Variants in SKAP2 observed in about 807,000 individuals in gnomAD.
The protein encoded by SKAP2 is src kinase associated phosphoprotein 2.
Under a neutral mutation model 54.9 loss-of-function variants are expected in SKAP2, and 28 were observed. The ratio of observed to expected loss-of-function variants is 0.51; its 90% CI spans 0.38 to 0.70. The LOEUF is 0.70. Ranked by LOEUF, SKAP2 falls within the 30% of genes least tolerant of loss-of-function variation. The pLI, the probability that SKAP2 is intolerant of heterozygous loss-of-function variation, is 0.00. For missense variants in SKAP2, 356 were observed against 424.1 expected (o/e 0.84, Z 1.41); for synonymous variants, 137 against 134.3 (o/e 1.02, Z -0.14).
chr7:26,757,489 G>C lies in SKAP2; in HGVS notation c.308-17525C>G, dbSNP rs1302747676. ...TCAAAGATCAGACGGTTGCAGATGT[G>C]TGGTATTATTTCTGAGCGCTCTGTT... is the stretch of plus-strand genomic sequence containing the variant. On this transcript the variant is annotated intron_variant, in intron 4 of 12. Transcript: ENST00000345317. 2.0e-5 allele frequency among the ~76,000 whole-genome samples: 3 copies of C among 152,146 alleles called. No individual in the cohort carries two copies. In the East Asian group the frequency reaches 5.8e-4, roughly 29 times the overall value.
In SKAP2 at chr7:26,846,762, C is replaced by T. The variant is rs541793010; in HGVS notation, c.200-2625G>A. Among the ~76,000 whole-genome samples the T allele has an allele frequency of 2.4e-4, 37 of 152,296 alleles. No individual in the cohort carries two copies. In the South Asian group the frequency reaches 7.5e-3, roughly 31 times the overall value. ...GTGGGAGGCCAAGGCAGGTGGATCA[C>T]CTGAGCTCAGGAGTTTGAGACCAGC... is the stretch of plus-strand genomic sequence containing the variant. On this transcript the variant is annotated intron_variant, in intron 3 of 12. Coordinates refer to ENST00000345317, the MANE Select transcript of SKAP2 (RefSeq NM_003930.5).
intron 4 of SKAP2, among the ~76,000 whole-genome samples, chr7:26,750,880 T>C (rs369043051): frequency 1.3e-5 from 2 of 152,308 alleles, no homozygotes; most frequent in South Asian, 2.1e-4. Flanking sequence ...TCAACTATGC[T>C]TTATCTTTAC....
chr7:26,788,476 CTTACA>C (rs1418123285), intron 4 of SKAP2, among the ~76,000 whole-genome samples: 1 of 151,988 alleles, frequency 6.6e-6, no homozygotes, highest in Admixed American at 6.5e-5. Context: ...GCTTATTTTT[CTTACA>C]TTACAAATTA....
intron 11 of SKAP2, among the ~76,000 whole-genome samples, chr7:26,678,806 T>C (rs903712305): frequency 6.6e-6 from 1 of 152,078 alleles, no homozygotes; most frequent in Non-Finnish European, 1.5e-5. Context: ...ATTTACTAAA[T>C]ATCGACTCTA....
intron 3 of SKAP2, among the ~76,000 whole-genome samples, chr7:26,845,499 G>A (rs921977853): frequency 2.6e-5 from 4 of 152,210 alleles, no homozygotes; most frequent in Admixed American, 6.5e-5. Context: ...TAAATATGGT[G>A]ATGTTACTCC....
rs1784103176 is a variant in SKAP2, at chr7:26,809,808, T to C, written c.307+34222A>G. On this transcript the variant is annotated intron_variant, in intron 4 of 12. Transcript: ENST00000345317. The stretch of plus-strand genomic sequence containing the variant: ...TGTCAAGGGGATATCTGCACTCCCA[T>C]CTTCACTGTAGCATTATTCACAATA... Among the ~76,000 whole-genome samples, 7 of 152,320 alleles carry C rather than the reference T, an allele frequency of 4.6e-5. No homozygotes were observed. The South Asian group carries it at 1.4e-3, about 32-fold the overall frequency.
chr7:26,765,052 C>T (rs1783018295), intron 4 of SKAP2, among the ~76,000 whole-genome samples: 1 of 152,168 alleles, frequency 6.6e-6, no homozygotes, highest in Non-Finnish European at 1.5e-5. Context: ...GAGAAATCAC[C>T]ACACTGTCTT....
At chr7:26,817,147 A>G (rs1469328608) in intron 4 of SKAP2, among the ~76,000 whole-genome samples, 1 of 152,144 alleles carries the variant, frequency 6.6e-6, no homozygotes, top group East Asian at 1.9e-4. Context: ...TTTTGGGATA[A>G]AAAGCTGTTC....
chr7:26,722,297 G>C (rs1787595214), intron 9 of SKAP2, among the ~76,000 whole-genome samples: 1 of 150,246 alleles, frequency 6.7e-6, no homozygotes, highest in Non-Finnish European at 1.5e-5. Context: ...AATGAAGTTA[G>C]AATATTCTAA....
At chr7:26,849,447 G>A (rs975799520) in intron 3 of SKAP2, among the ~76,000 whole-genome samples, 17 of 152,010 alleles carry the variant, frequency 1.1e-4, no homozygotes, top group Admixed American at 1.1e-3. Context: ...ACTTTGGGAG[G>A]CCAAGGTGGG....
chr7:26,817,166 T>A (rs1784282008), intron 4 of SKAP2, among the ~76,000 whole-genome samples: 1 of 152,138 alleles, frequency 6.6e-6, no homozygotes, highest in Non-Finnish European at 1.5e-5. Flanking sequence ...TCAATCTTTA[T>A]ATATCTGGAC....
chr7:26,825,488 G>T (rs1784470489), intron 4 of SKAP2, among the ~76,000 whole-genome samples: 1 of 149,092 alleles, frequency 6.7e-6, no homozygotes, highest in Non-Finnish European at 1.5e-5. Context: ...GTGCTAACAA[G>T]TAAAAGTGAT....
intron 9 of SKAP2, among the ~76,000 whole-genome samples, chr7:26,706,647 T>C (rs1271781533): frequency 6.6e-6 from 1 of 152,186 alleles, no homozygotes; most frequent in East Asian, 1.9e-4. Flanking sequence ...GCAACTTCTG[T>C]CACATAATGT....
chr7:26,661,519 T>C, the SKAP2 span, among the ~76,000 whole-genome samples: 2 of 152,166 alleles, frequency 1.3e-5, no homozygotes, highest in African/African-American at 4.8e-5. Context: ...TTGGTGGTTT[T>C]AAATATCATG....
chr7:26,738,919 G>T, intron 5 of SKAP2, 41 bp from the exon 6 acceptor site: 1 of 1,166,868 alleles, frequency 8.6e-7, no homozygotes, highest in Non-Finnish European at 1.3e-6. Context: ...TTTCCTTACT[G>T]TAAAAGAAAA....
At chr7:26,815,389 G>A (rs182792389) in intron 4 of SKAP2, among the ~76,000 whole-genome samples, 35 of 152,132 alleles carry the variant, frequency 2.3e-4, no homozygotes, top group African/African-American at 8.2e-4. Context: ...ATTTGTTTAG[G>A]TGCATTCTAC....
chr7:26,756,937 T>C (rs1056718705), intron 4 of SKAP2, among the ~76,000 whole-genome samples: 26 of 152,360 alleles, frequency 1.7e-4, no homozygotes, highest in African/African-American at 5.8e-4. Flanking sequence ...CCAGTGATGA[T>C]GAGCATTTTT....
At chr7:26,844,911 A>C (rs1452354675) in intron 3 of SKAP2, among the ~76,000 whole-genome samples, 1 of 152,110 alleles carries the variant, frequency 6.6e-6, no homozygotes, top group African/African-American at 2.4e-5. Flanking sequence ...ATTTTAGGCT[A>C]ATTAATCTCC....
chr7:26,800,040 C>T (rs887630494), intron 4 of SKAP2, among the ~76,000 whole-genome samples: 28 of 151,978 alleles, frequency 1.8e-4, no homozygotes, highest in African/African-American at 5.1e-4. Flanking sequence ...AGGAGAATGG[C>T]ATGAACCCAG....
Sources: gnomAD v4.1 joint callset for allele counts (sites outside exome capture counted in the v4.1 genomes callset) on GRCh38, gnomAD v4.1.1 for gene constraint, MANE v1.5 for transcripts, NCBI Gene and HGNC (gene_info 2026-07-23, HGNC 2026-07-21) for gene names.